Variants in COL5A2 observed in about 807,000 individuals in gnomAD.
The protein encoded by COL5A2 is collagen type V alpha 2 chain.
Under a neutral mutation model 208.2 loss-of-function variants are expected in COL5A2, and 23 were observed. That is an observed-to-expected ratio of 0.11 (90% CI 0.08 to 0.16). COL5A2 has a LOEUF of 0.16. Among genes scored for constraint, COL5A2 ranks in the 10% least tolerant of loss-of-function variants. The pLI is 1.00. For synonymous variants in COL5A2, 625 were observed against 628.5 expected (o/e 0.99, Z 0.08); for missense variants, 1,590 against 1,956.4 (o/e 0.81, Z 3.53).
Position 189,072,455 on chromosome 2 carries a change from C to T in COL5A2, c.1105-362G>A, listed in dbSNP as rs1204130407. ...TATTTTATATCAAAATCTAGTACTT[C>T]ATTCTATAAAAATGATGCTTAAGAA... On this transcript the variant is annotated intron_variant, in intron 17 of 53. Transcript: ENST00000374866. 2.6e-5 allele frequency among the ~76,000 whole-genome samples: 4 copies of T among 152,126 alleles called. No homozygotes were observed. The East Asian group carries it at 7.7e-4, about 29-fold the overall frequency.
At chr2:189,100,507 A>G (rs1687026890) in intron 3 of COL5A2, among the ~76,000 whole-genome samples, 1 of 152,010 alleles carries the variant, frequency 6.6e-6, no homozygotes, top group Non-Finnish European at 1.5e-5. Flanking sequence ...AAAAAGAGCC[A>G]GAAATTGTAA....
chr2:189,303,065 A>G, the COL5A2 span, among the ~76,000 whole-genome samples: 2 of 152,206 alleles, frequency 1.3e-5, no homozygotes, highest in African/African-American at 4.8e-5. Context: ...CCGAAGAAGG[A>G]AAAAGAAATT....
chr2:189,290,980 A>G, the COL5A2 span, among the ~76,000 whole-genome samples: 5,893 of 152,242 alleles, frequency 0.039, 127 homozygotes, highest in Admixed American at 0.052. Context: ...GGAGACAGGC[A>G]TATATTAGTA....
intron 18 of COL5A2, 59 bp downstream of exon 18, chr2:189,071,981 C>A: frequency 8.8e-7 from 1 of 1,135,852 alleles, no homozygotes. Flanking sequence ...TCATTCTTCA[C>A]TTTGGGACTC....
chr2:189,097,479 A>G (rs1686943675), intron 5 of COL5A2, 149 bp from the exon 6 acceptor site: 1 of 821,674 alleles, frequency 1.2e-6, no homozygotes, highest in African/African-American at 1.7e-5. Context: ...AGCCATGTGC[A>G]TATAAAAGTT....
At chr2:189,184,334 G>T (rs370684789), upstream of COL5A2, among the ~76,000 whole-genome samples, 1 of 151,964 alleles carries the variant, frequency 6.6e-6, no homozygotes, top group East Asian at 1.9e-4. Flanking sequence ...AACAGCAAGT[G>T]GGAATGGCCT....
the COL5A2 span, among the ~76,000 whole-genome samples, chr2:189,369,840 T>C: frequency 2.0e-5 from 3 of 152,182 alleles, no homozygotes. Flanking sequence ...GATTGCATGA[T>C]GAGGTCTAGC....
intron 42 of COL5A2, among the ~76,000 whole-genome samples, chr2:189,050,997 A>G (rs1685774912): frequency 6.6e-6 from 1 of 152,142 alleles, no homozygotes; most frequent in South Asian, 2.1e-4. Context: ...AATAAGGAAA[A>G]AAGAGTTATC....
intron 48 of COL5A2, among the ~76,000 whole-genome samples, 163 bp from the exon 49 acceptor site, chr2:189,042,936 A>G (rs116228270): frequency 1.1e-3 from 166 of 152,334 alleles, no homozygotes; most frequent in African/African-American, 3.8e-3. Context: ...AGACACCTGT[A>G]GGAGTAACAG....
chr2:189,061,636 T>C, intron 29 of COL5A2, 21 bp from the exon 30 acceptor site: 2 of 1,580,174 alleles, frequency 1.3e-6, no homozygotes, highest in Non-Finnish European at 1.7e-6. Flanking sequence ...AAGGAGAAAA[T>C]AATTGTGAAT....
chr2:189,365,798 C>T, the COL5A2 span, among the ~76,000 whole-genome samples: 1 of 152,210 alleles, frequency 6.6e-6, no homozygotes, highest in Non-Finnish European at 1.5e-5. Flanking sequence ...TGATGGTTTG[C>T]ATCTGGTTTA....
chr2:189,095,383 T>C (rs1158274077), intron 6 of COL5A2, among the ~76,000 whole-genome samples: 1 of 152,150 alleles, frequency 6.6e-6, no homozygotes. Context: ...TCACACCAGT[T>C]CTTTGCTAGG....
chr2:189,202,515 T>C (rs1405902752), intron 1 of COL5A2, among the ~76,000 whole-genome samples: 1 of 152,118 alleles, frequency 6.6e-6, no homozygotes, highest in Non-Finnish European at 1.5e-5. Context: ...TGTGGCAGAG[T>C]GTTCACATTT....
Position 189,175,562 on chromosome 2 carries a change from TAGAC to T in COL5A2, c.97+3942_97+3945del, listed in dbSNP as rs1164955172. On this transcript the variant is annotated intron_variant, in intron 1 of 53. Transcript: ENST00000374866. ...AAGAAAACTTTTTTTTTTTTTTTTT[TAGAC>T]AGAGTCTCACTCTGTCACCCAGACT... Among the ~76,000 whole-genome samples, 8 of 150,846 alleles carry T rather than the reference TAGAC, an allele frequency of 5.3e-5. No individual in the cohort carries two copies. In the East Asian group the frequency reaches 1.6e-3, roughly 29 times the overall value.
the COL5A2 span, among the ~76,000 whole-genome samples, chr2:189,391,242 G>A: frequency 4.2e-4 from 64 of 152,258 alleles, no homozygotes; most frequent in African/African-American, 1.5e-3. Context: ...AGGATGGCAA[G>A]CTGCATTCTA....
At chr2:189,252,605 C>T in the COL5A2 span, among the ~76,000 whole-genome samples, 1 of 151,672 alleles carries the variant, frequency 6.6e-6, no homozygotes, top group Non-Finnish European at 1.5e-5. Context: ...CACACCAGGG[C>T]CTGTTGTGGG....
chr2:189,374,789 G>T, the COL5A2 span, among the ~76,000 whole-genome samples: 2 of 152,038 alleles, frequency 1.3e-5, no homozygotes, highest in African/African-American at 4.8e-5. Context: ...TTCTATGAAT[G>T]AACAAATAAA....
chr2:189,356,956 C>T, the COL5A2 span, among the ~76,000 whole-genome samples: 1 of 152,118 alleles, frequency 6.6e-6, no homozygotes, highest in Admixed American at 6.6e-5. Context: ...GATGCTATTC[C>T]TTTCTGTTTG....
chr2:189,034,804 T>G, intron 53 of COL5A2, 112 bp downstream of exon 53: 1 of 1,226,090 alleles, frequency 8.2e-7, no homozygotes, highest in Non-Finnish European at 1.2e-6. Context: ...CAAACTGCTA[T>G]TATGCTCATA....
Sources: gnomAD v4.1 joint callset for allele counts (sites outside exome capture counted in the v4.1 genomes callset) on GRCh38, gnomAD v4.1.1 for gene constraint, MANE v1.5 for transcripts, NCBI Gene and HGNC (gene_info 2026-07-23, HGNC 2026-07-21) for gene names.